Variants in ETFA observed in about 807,000 individuals in gnomAD.
The protein encoded by ETFA is electron transfer flavoprotein subunit alpha, also known as electron transfer flavoprotein subunit alpha, mitochondrial.
In ETFA, 22 loss-of-function variants were observed where a neutral mutation model predicts 46.2. The ratio of observed to expected loss-of-function variants is 0.48; its 90% CI spans 0.34 to 0.68. The LOEUF is 0.68. Ranked by LOEUF, ETFA falls within the 30% of genes least tolerant of loss-of-function variation. The pLI is 0.01. For missense variants in ETFA, 345 were observed against 401.1 expected, an observed-to-expected ratio of 0.86 and a Z score of 1.19; for synonymous variants, 131 against 139.9, an observed-to-expected ratio of 0.94 and a Z score of 0.45.
At chr15:76,224,309 G>C (rs934512396) in intron 11 of ETFA, among the ~76,000 whole-genome samples, 2 of 152,146 alleles carry the variant, frequency 1.3e-5, no homozygotes, top group East Asian at 3.9e-4. Context: ...TGACCTACCT[G>C]AATCCCAAAT....
intron 9 of ETFA, among the ~76,000 whole-genome samples, chr15:76,248,286 G>A (rs761962304): frequency 2.0e-5 from 3 of 152,144 alleles, no homozygotes; most frequent in Non-Finnish European, 4.4e-5. Flanking sequence ...CATTAGTGGA[G>A]GAGAGAGGGA....
intron 9 of ETFA, among the ~76,000 whole-genome samples, chr15:76,267,697 A>T: frequency 6.6e-6 from 1 of 152,232 alleles, no homozygotes; most frequent in East Asian, 1.9e-4. Flanking sequence ...GACACTGCAA[A>T]TGCAATTGCA....
chr15:76,261,995 G>C (rs1460247057), intron 9 of ETFA, among the ~76,000 whole-genome samples: 3 of 152,168 alleles, frequency 2.0e-5, no homozygotes, highest in Non-Finnish European at 4.4e-5. Context: ...GGATTTTAAA[G>C]TAGGTACTAT....
intron 1 of ETFA, among the ~76,000 whole-genome samples, chr15:76,310,615 TG>T (rs1224040261): frequency 6.6e-6 from 1 of 152,212 alleles, no homozygotes; most frequent in East Asian, 1.9e-4. Context: ...AAATGTGGTT[TG>T]TCACTAATGA....
rs1384518039 is a variant in ETFA at position 76,274,485 on chromosome 15, G to A, written c.743C>T (p.Ser248Phe). ...ADQLHAAVGASRAAVDAGFVP... is the reference protein window; with the variant it reads ...ADQLHAAVGAFRAAVDAGFVP... ...AAAGCCAGCATCAACAGCAGCACGGGAAGCACCAACTAAGGGGAAAAAATA... is the reference window on the plus strand; with the variant it reads ...AAAGCCAGCATCAACAGCAGCACGGAAAGCACCAACTAAGGGGAAAAAATA... The change falls in exon 9 of 12, where the codon TCC (serine) becomes TTC (phenylalanine). Residue 248 changes from serine to phenylalanine, a missense_variant. Coordinates refer to ENST00000557943, the MANE Select transcript of ETFA (RefSeq NM_000126.4). The A allele has an allele frequency of 3.1e-6, 5 of 1,607,076 alleles. No individual in the cohort carries two copies. The highest frequency in any genetic ancestry group is 4.3e-6 in the Non-Finnish European group (5 of 1,175,712).
intron 9 of ETFA, among the ~76,000 whole-genome samples, chr15:76,251,027 A>G (rs1353909964): frequency 6.6e-6 from 1 of 151,912 alleles, no homozygotes; most frequent in African/African-American, 2.4e-5. Context: ...AAATAAAAAG[A>G]AAAGAATGGG....
intron 9 of ETFA, chr15:76,261,613 A>G (rs2039414069): frequency 2.2e-6 from 1 of 444,502 alleles, no homozygotes; most frequent in African/African-American, 2.0e-5. Context: ...GAGAAGTCAG[A>G]GCCGCCAGCA....
chr15:76,283,635 T>A, intron 8 of ETFA, 122 bp downstream of exon 8: 2 of 769,858 alleles, frequency 2.6e-6, no homozygotes, highest in Non-Finnish European at 2.2e-6. Context: ...AGAGAAAAAC[T>A]GAAAAATCCG....
intron 1 of ETFA, among the ~76,000 whole-genome samples, chr15:76,296,984 A>G (rs1397434863): frequency 6.6e-6 from 1 of 152,216 alleles, no homozygotes; most frequent in East Asian, 1.9e-4. Flanking sequence ...TAAGGAAAAA[A>G]TAAAATCTTG....
chr15:76,262,474 CTTTTTTT>C (rs60480510), intron 9 of ETFA, among the ~76,000 whole-genome samples: 14 of 84,732 alleles, frequency 1.7e-4, no homozygotes, highest in East Asian at 4.4e-4. Flanking sequence ...ATCAAACCCC[CTTTTTTT>C]TTTTTTTTTT....
intron 2 of ETFA, among the ~76,000 whole-genome samples, chr15:76,294,318 C>T (rs1299032009): frequency 1.3e-5 from 2 of 152,212 alleles, no homozygotes; most frequent in African/African-American, 4.8e-5. Flanking sequence ...CCATCATATA[C>T]TGTGGCTAAT....
At chr15:76,239,011 T>C (rs2039155864) in intron 9 of ETFA, among the ~76,000 whole-genome samples, 1 of 152,338 alleles carries the variant, frequency 6.6e-6, no homozygotes, top group African/African-American at 2.4e-5. Context: ...TTACTAAGAT[T>C]AGCTCCTGTT....
intron 1 of ETFA, among the ~76,000 whole-genome samples, chr15:76,296,202 C>T (rs1468445553): frequency 6.6e-6 from 1 of 152,010 alleles, no homozygotes; most frequent in Non-Finnish European, 1.5e-5. Flanking sequence ...CCTGCCTCGG[C>T]CTCCAAAGTG....
chr15:76,219,959 T>C (rs553137056), intron 11 of ETFA, among the ~76,000 whole-genome samples: 8 of 152,226 alleles, frequency 5.3e-5, no homozygotes, highest in Admixed American at 2.0e-4. Flanking sequence ...TATCATATGA[T>C]CCAGCAATTC....
chr15:76,245,069 T>A (rs1291089227), intron 9 of ETFA: 1 of 152,240 alleles, frequency 6.6e-6, no homozygotes, highest in Non-Finnish European at 1.5e-5. Flanking sequence ...AGTTTTTAAC[T>A]ATTGTACAAC....
intron 2 of ETFA, 128 bp from the exon 3 acceptor site, chr15:76,292,828 G>C (rs938795409): frequency 1.3e-6 from 1 of 761,818 alleles, no homozygotes; most frequent in Admixed American, 1.9e-5. Flanking sequence ...ATTAGCAAAA[G>C]GGCCAGTTAA....
At chr15:76,228,945 G>C (rs1280198250) in intron 10 of ETFA, 1 of 153,328 alleles carries the variant, frequency 6.5e-6, no homozygotes, top group Non-Finnish European at 1.5e-5. Flanking sequence ...TAGTAGAGAT[G>C]GGGTTTCATC....
At chr15:76,244,664 GA>G (rs74311158) in intron 9 of ETFA, among the ~76,000 whole-genome samples, 43,191 of 141,818 alleles carry the variant, frequency 0.3, 6,525 homozygotes, top group East Asian at 0.58. Context: ...GTTTTTATAG[GA>G]AAAAAAAAAA....
intron 9 of ETFA, among the ~76,000 whole-genome samples, chr15:76,270,682 G>T (rs1365849873): frequency 6.6e-6 from 1 of 152,108 alleles, no homozygotes; most frequent in Non-Finnish European, 1.5e-5. Context: ...AAATGAGCCT[G>T]GAACATCTTG....
Sources: gnomAD v4.1 joint callset for allele counts (sites outside exome capture counted in the v4.1 genomes callset) on GRCh38, gnomAD v4.1.1 for gene constraint, MANE v1.5 for transcripts, NCBI Gene and HGNC (gene_info 2026-07-23, HGNC 2026-07-21) for gene names.